RALYL: variants seen among roughly 807,000 people sequenced by gnomAD.
RALYL encodes RNA-binding Raly-like protein.
Under a neutral mutation model 35.1 loss-of-function variants are expected in RALYL, and 29 were observed. That is an observed-to-expected ratio of 0.83 (90% confidence interval 0.61 to 1.13). The LOEUF is 1.13. Ranked by LOEUF, RALYL falls within the 50% of genes most tolerant of loss-of-function variation. The pLI, the probability that RALYL is intolerant of heterozygous loss-of-function variation, is 0.00. For synonymous variants in RALYL, 120 were observed against 127.6 expected (o/e 0.94, Z 0.40); for missense variants, 359 against 360.4 (o/e 1.00, Z 0.03).
Position 84,218,054 on chromosome 8 carries a change from T to C in RALYL, c.-24+33630T>C, listed in dbSNP as rs547121744. Among the ~76,000 whole-genome samples, 8 of 151,676 alleles carry C rather than the reference T, an allele frequency of 5.3e-5. No homozygotes were observed. In the South Asian group the frequency reaches 1.7e-3, roughly 31 times the overall value. On this transcript the variant is annotated intron_variant, in intron 1 of 8. Transcript: ENST00000521268. ...TTTTACAATATGTTTTAACATATTTTCTGAAAAAATATAAAGTCTTTAGAA... is the reference window on the plus strand; with the variant it reads ...TTTTACAATATGTTTTAACATATTTCCTGAAAAAATATAAAGTCTTTAGAA...
chr8:84,728,043 C>T (rs996497345), intron 2 of RALYL, among the ~76,000 whole-genome samples: 90 of 151,762 alleles, frequency 5.9e-4, no homozygotes, highest in South Asian at 1.2e-3. Flanking sequence ...CCTGAGGAAT[C>T]GCCACACTGA....
chr8:84,448,103 T>G (rs1236507435), intron 1 of RALYL, among the ~76,000 whole-genome samples: 1 of 152,016 alleles, frequency 6.6e-6, no homozygotes, highest in Non-Finnish European at 1.5e-5. Context: ...CAGGGAATAA[T>G]GTCAGTTTTC....
chr8:84,209,198 G>A (rs957287324), intron 1 of RALYL, among the ~76,000 whole-genome samples: 1 of 150,448 alleles, frequency 6.6e-6, no homozygotes, highest in Non-Finnish European at 1.5e-5. Flanking sequence ...CTATTTTTAG[G>A]AGGTATTGTC....
intron 1 of RALYL, among the ~76,000 whole-genome samples, chr8:84,328,533 G>A (rs1464139745): frequency 6.6e-6 from 1 of 152,178 alleles, no homozygotes; most frequent in Non-Finnish European, 1.5e-5. Flanking sequence ...TGGCAAATAT[G>A]TACTTGAAAG....
intron 1 of RALYL, among the ~76,000 whole-genome samples, chr8:84,524,840 CT>C (rs1373140405): frequency 3.3e-5 from 5 of 151,866 alleles, no homozygotes; most frequent in Non-Finnish European, 7.4e-5. Flanking sequence ...GATACTTGAA[CT>C]TTTTATTCTT....
At chr8:84,182,958 G>C (rs1225512278), upstream of RALYL, 1 of 152,324 alleles carries the variant, frequency 6.6e-6, no homozygotes, top group Non-Finnish European at 1.5e-5. Flanking sequence ...ACTACCTGTA[G>C]ATGAAAAATA....
intron 4 of RALYL, among the ~76,000 whole-genome samples, chr8:84,808,548 G>C (rs1018897168): frequency 6.6e-6 from 1 of 152,088 alleles, no homozygotes; most frequent in African/African-American, 2.4e-5. Context: ...AAGAATGATA[G>C]TGGTATTTTG....
rs1846101027 is a variant in RALYL at position 84,904,020 on chromosome 8, G to A, written c.858+16244G>A. ...TAAGAAAGAAAAAAACCTCTTTTGG[G>A]GAGAAAGGGTTGCAGGCAGGCCGCT... is the stretch of plus-strand genomic sequence containing the variant. On this transcript the variant is annotated intron_variant, in intron 8 of 8. Coordinates refer to ENST00000521268, the MANE Select transcript of RALYL (RefSeq NM_173848.7). Among the ~76,000 whole-genome samples the A allele has an allele frequency of 2.0e-5, 3 of 152,140 alleles. No individual in the cohort carries two copies. In the South Asian group the frequency reaches 6.2e-4, roughly 31 times the overall value.
chr8:84,619,013 A>C (rs1387522284), intron 2 of RALYL, among the ~76,000 whole-genome samples: 3 of 147,618 alleles, frequency 2.0e-5, no homozygotes, highest in Non-Finnish European at 4.5e-5. Flanking sequence ...TTTACTTCCA[A>C]GTATGTGGTC....
chr8:84,578,500 G>T (rs1810039743), intron 2 of RALYL, among the ~76,000 whole-genome samples: 1 of 152,204 alleles, frequency 6.6e-6, no homozygotes. Context: ...CAGGAAGAAT[G>T]AAGTACATGG....
intron 2 of RALYL, among the ~76,000 whole-genome samples, chr8:84,725,926 G>A (rs904924845): frequency 2.6e-5 from 4 of 151,330 alleles, no homozygotes; most frequent in East Asian, 3.9e-4. Context: ...CATCAGTTTC[G>A]TTTAAATTTA....
chr8:84,329,236 A>G (rs1467234652), intron 1 of RALYL, among the ~76,000 whole-genome samples: 1 of 152,112 alleles, frequency 6.6e-6, no homozygotes, highest in Non-Finnish European at 1.5e-5. Context: ...GTATGTAAGC[A>G]TTTCTTTTTC....
intron 1 of RALYL, among the ~76,000 whole-genome samples, chr8:84,501,606 G>T (rs1405935672): frequency 1.3e-5 from 2 of 151,676 alleles, no homozygotes; most frequent in Non-Finnish European, 2.9e-5. Context: ...TATACAAATT[G>T]GAAAATCACT....
rs572661103 is a variant in RALYL, at chr8:84,913,298, G to A, written c.859-7596G>A. On this transcript the variant is annotated intron_variant, in intron 8 of 8. Coordinates refer to ENST00000521268, the MANE Select transcript of RALYL (RefSeq NM_173848.7). ...CTTTTGTTCAGGTCTATAACATGTGGCTTATTAGAGGAATCTGATTATAAA... is the reference window on the plus strand; with the variant it reads ...CTTTTGTTCAGGTCTATAACATGTGACTTATTAGAGGAATCTGATTATAAA... Among the ~76,000 whole-genome samples, 4 of 152,030 alleles carry A rather than the reference G, an allele frequency of 2.6e-5. No homozygotes were observed. In the East Asian group the frequency reaches 7.7e-4, roughly 29 times the overall value.
Position 84,755,238 on chromosome 8 carries a change from T to G in RALYL, c.257-19341T>G, listed in dbSNP as rs550349355. ...CAGATAAAGAAGCAGTCACATCTCCTAAAAACAGATGCTATGTCTCACAAA... is the reference window on the plus strand; with the variant it reads ...CAGATAAAGAAGCAGTCACATCTCCGAAAAACAGATGCTATGTCTCACAAA... On this transcript the variant is annotated intron_variant, in intron 2 of 8. Coordinates refer to ENST00000521268, the MANE Select transcript of RALYL (RefSeq NM_173848.7). Among the ~76,000 whole-genome samples the G allele has an allele frequency of 5.3e-5, 8 of 152,286 alleles. No homozygotes were observed. In the East Asian group the frequency reaches 1.5e-3, roughly 29 times the overall value.
At chr8:84,334,351 A>G (rs964428175) in intron 1 of RALYL, among the ~76,000 whole-genome samples, 7 of 152,018 alleles carry the variant, frequency 4.6e-5, no homozygotes, top group Non-Finnish European at 1.0e-4. Flanking sequence ...CAATTTTATC[A>G]ATTATGTATA....
chr8:84,648,869 G>A (rs887975224), intron 2 of RALYL, among the ~76,000 whole-genome samples: 2 of 151,422 alleles, frequency 1.3e-5, no homozygotes, highest in Non-Finnish European at 2.9e-5. Context: ...GGAACACATG[G>A]TGGTTCCATC....
chr8:84,560,928 C>T (rs2061432455), intron 2 of RALYL, among the ~76,000 whole-genome samples: 1 of 151,994 alleles, frequency 6.6e-6, no homozygotes, highest in Non-Finnish European at 1.5e-5. Flanking sequence ...GTTTTCTCCT[C>T]ACTGCTAGAT....
intron 8 of RALYL, among the ~76,000 whole-genome samples, chr8:84,909,147 C>T (rs1479754444): frequency 6.6e-6 from 1 of 152,084 alleles, no homozygotes; most frequent in Non-Finnish European, 1.5e-5. Context: ...AGGATATTGC[C>T]TTCTCAAATG....
Sources: allele counts gnomAD v4.1 joint callset (sites outside exome capture counted in the v4.1 genomes callset), GRCh38; gene constraint gnomAD v4.1.1; transcripts MANE v1.5; gene names NCBI Gene and HGNC (gene_info 2026-07-23, HGNC 2026-07-21).